Variants in SGK2 observed in about 807,000 individuals in gnomAD.
The protein encoded by SGK2 is serum/glucocorticoid regulated kinase 2.
In SGK2, 36 loss-of-function variants were observed where a neutral mutation model predicts 47.5. The ratio of observed to expected loss-of-function variants is 0.76; its 90% CI spans 0.58 to 1.00. SGK2 has a LOEUF of 1.00. Among genes scored for constraint, SGK2 ranks in the 50% least tolerant of loss-of-function variants. The pLI, the probability that SGK2 is intolerant of heterozygous loss-of-function variation, is 0.00. For missense variants in SGK2, 404 were observed against 467.4 expected, an observed-to-expected ratio of 0.86 and a Z score of 1.25; for synonymous variants, 157 against 181.9, an observed-to-expected ratio of 0.86 and a Z score of 1.10.
intron 12 of SGK2, 95 bp from the exon 13 acceptor site, chr20:43,584,757 A>T: frequency 1.1e-6 from 1 of 894,504 alleles, no homozygotes; most frequent in Non-Finnish European, 1.8e-6. Context: ...AGCATGGGGC[A>T]CTCACAGAGG....
In SGK2 at chr20:43,567,686, C is replaced by T. The variant is rs761088243; in HGVS notation, c.108C>T (p.Asp36=). ...ANPNAQPTDF[D]FLKVIGKGNY... The stretch of plus-strand genomic sequence containing the variant: ...CCAGTGCCCAGCCCACGGACTTCGA[C>T]TTCCTCAAAGTCATCGGCAAAGGGA... Residue 36 remains aspartate (D), a synonymous_variant, in exon 4 of 13, where the codon GAC becomes GAT. Coordinates refer to ENST00000373100, the MANE Select transcript of SGK2 (RefSeq NM_170693.3). 1 of 1,614,196 alleles carries T rather than the reference C, an allele frequency of 6.2e-7. No individual in the cohort carries two copies. Among genetic ancestry groups the T allele is most frequent in the East Asian group, 2.2e-5 (1 of 44,874 alleles).
chr20:43,567,754 G>A, intron 4 of SGK2, 32 bp downstream of exon 4: 2 of 1,611,336 alleles, frequency 1.2e-6, no homozygotes, highest in African/African-American at 1.3e-5. Context: ...GGAAGCCTGG[G>A]TCTTCCCTTC....
intron 2 of SGK2, 32 bp downstream of exon 2, chr20:43,566,563 G>A (rs771150505): frequency 7.5e-6 from 11 of 1,461,210 alleles, no homozygotes; most frequent in East Asian, 2.3e-5. Flanking sequence ...ACCCATCATC[G>A]GGGGCTCACT....
At chr20:43,580,169 A>G (rs1467702494) in intron 12 of SGK2, 108 bp downstream of exon 12, 6 of 669,770 alleles carry the variant, frequency 9.0e-6, no homozygotes, top group Non-Finnish European at 1.6e-5. Context: ...CAAGAAGCTC[A>G]GTCATTTGTC....
At chr20:43,576,160 G>A (rs1453090197) in intron 10 of SGK2, 64 bp from the exon 11 acceptor site, 5 of 1,583,118 alleles carry the variant, frequency 3.2e-6, no homozygotes, top group Non-Finnish European at 3.4e-6. Flanking sequence ...CTTGCTCCAA[G>A]TCTCCCCGAG....
intron 1 of SGK2, among the ~76,000 whole-genome samples, chr20:43,562,572 C>G (rs1294344450): frequency 1.3e-5 from 2 of 150,660 alleles, no homozygotes; most frequent in Non-Finnish European, 3.0e-5. Flanking sequence ...GAAACCCAGT[C>G]TCTACTAAAA....
chr20:43,567,882 A>C (rs775442153), intron 4 of SGK2, 34 bp from the exon 5 acceptor site: 1 of 1,604,810 alleles, frequency 6.2e-7, no homozygotes, highest in South Asian at 1.1e-5. Context: ...GTCCAAAGTC[A>C]CCTACAGGGC....
chr20:43,565,968 G>A (rs6065626), intron 1 of SGK2: 19,904 of 192,660 alleles, frequency 0.1, 1,096 homozygotes, highest in Admixed American at 0.13. Flanking sequence ...CTGGGACTGC[G>A]CACAGTAATT....
chr20:43,562,417 C>CAAA (rs111670042), intron 1 of SGK2, among the ~76,000 whole-genome samples: 10 of 49,920 alleles, frequency 2.0e-4, no homozygotes, highest in Non-Finnish European at 2.7e-4. Flanking sequence ...AACCATGTCT[C>CAAA]AAAAAAAAAA....
chr20:43,571,983 T>C, intron 8 of SGK2, 68 bp from the exon 9 acceptor site: 2 of 1,161,884 alleles, frequency 1.7e-6, no homozygotes, highest in Non-Finnish European at 2.5e-6. Flanking sequence ...ATCTGGGCTT[T>C]GGGGGTTAGG....
Position 43,569,518 on chromosome 20 carries a change from T to C in SGK2, c.360+2T>C, listed in dbSNP as rs754239903. 3 of 1,611,642 alleles carry C rather than the reference T, an allele frequency of 1.9e-6. No homozygotes were observed. In the Admixed American group the frequency reaches 5.0e-5, roughly 27 times the overall value. ...CTCGACTATGTCAACGGGGGAGAGG[T>C]GGGTGGGCCCACAGGGAGGCTTCCC... On this transcript the variant is annotated splice_donor_variant, in intron 6 of 12. Transcript: ENST00000373100. LOFTEE classifies it high-confidence loss of function.
Position 43,567,992 on chromosome 20 carries a change from A to T in SGK2, c.221A>T (p.Lys74Met). The T allele has an allele frequency of 6.2e-7, 1 of 1,613,916 alleles. No homozygotes were observed. The highest frequency in any genetic ancestry group is 1.3e-5 in the African/African-American group (1 of 75,030). The change falls in exon 5 of 13, where the codon AAG becomes ATG. Residue 74 changes from lysine to methionine, a missense_variant. Lys to Met is a moderately conservative substitution (Grantham distance 95). Transcript: ENST00000373100. Reference protein sequence around the residue: ...KVLQKKSILKKKEQSHIMAER... With the variant: ...KVLQKKSILKMKEQSHIMAER... ...CTACAGAAAAAGTCCATCTTAAAGA[A>T]GAAAGAGGTACCAGAGCTCGGGCAC... is the stretch of plus-strand genomic sequence containing the variant.
At chr20:43,576,686 T>A (rs1421236627) in intron 11 of SGK2, among the ~76,000 whole-genome samples, 4 of 152,242 alleles carry the variant, frequency 2.6e-5, no homozygotes. Context: ...ACGCCTGTAA[T>A]CCCAGCACTT....
chr20:43,575,488 GT>G (rs1980410620), intron 10 of SGK2, among the ~76,000 whole-genome samples: 1 of 135,520 alleles, frequency 7.4e-6, no homozygotes, highest in Non-Finnish European at 1.6e-5. Context: ...AAAAAAGTTA[GT>G]TTACAACACA....
intron 1 of SGK2, chr20:43,566,039 A>C: frequency 2.9e-6 from 1 of 339,354 alleles, no homozygotes; most frequent in Non-Finnish European, 5.3e-6. Context: ...TCACAAGGCT[A>C]TGTGGCCCTA....
At chr20:43,576,726 A>C (rs1454568654) in intron 11 of SGK2, among the ~76,000 whole-genome samples, 1 of 152,212 alleles carries the variant, frequency 6.6e-6, no homozygotes, top group African/African-American at 2.4e-5. Flanking sequence ...GATCACCTGA[A>C]GTCAGAAGTT....
In SGK2 at chr20:43,572,455, C is replaced by CA. The variant is rs1287093092; in HGVS notation, c.597+319dup. On this transcript the variant is annotated intron_variant, in intron 9 of 12. Coordinates refer to ENST00000373100, the MANE Select transcript of SGK2 (RefSeq NM_170693.3). This position sits in a 1 kb window ranked among gnomAD's most constrained non-coding sequence, Gnocchi z 4.2. The stretch of plus-strand genomic sequence containing the variant: ...CTTTGGGAGGCTGAGGTGGGCAGAT[C>CA]ACCTGAGGTCAGGAGTTTGAGACCA... 2.0e-5 allele frequency among the ~76,000 whole-genome samples: 3 copies of CA among 152,212 alleles called. No individual in the cohort carries two copies. Among genetic ancestry groups the CA allele is most frequent in the African/African-American group, 7.2e-5 (3 of 41,464 alleles).
chr20:43,575,743 C>A (rs1430517598), intron 10 of SGK2, among the ~76,000 whole-genome samples: 1 of 152,094 alleles, frequency 6.6e-6, no homozygotes, highest in Non-Finnish European at 1.5e-5. Context: ...TAGGAAGGAA[C>A]AGGCTCTGTG....
intron 1 of SGK2, among the ~76,000 whole-genome samples, chr20:43,559,649 T>C (rs1447335484): frequency 6.6e-6 from 1 of 152,128 alleles, no homozygotes; most frequent in Non-Finnish European, 1.5e-5. Flanking sequence ...GGCGTGTAAA[T>C]GAACAAGTTA....
Sources: gnomAD v4.1 joint callset for allele counts (sites outside exome capture counted in the v4.1 genomes callset) on GRCh38, gnomAD v4.1.1 for gene constraint, Gnocchi (gnomAD v3.1) non-coding constraint, MANE v1.5 for transcripts, NCBI Gene and HGNC (gene_info 2026-07-23, HGNC 2026-07-21) for gene names.